Variants in RPA3 observed in about 807,000 individuals in gnomAD.
The protein encoded by RPA3 is replication protein A3.
Under a neutral mutation model 13.7 loss-of-function variants are expected in RPA3, and 24 were observed. That is an observed-to-expected ratio of 1.75 (90% confidence interval 1.27 to 2.46). The LOEUF (loss-of-function observed/expected upper bound fraction) is 2.46, where lower values mean the gene tolerates loss of function less well. Ranked by LOEUF, RPA3 falls within the 30% of genes most tolerant of loss-of-function variation. The pLI, the probability that RPA3 is intolerant of heterozygous loss-of-function variation, is 0.00. For missense variants in RPA3, 183 were observed against 151.0 expected (o/e 1.21, Z -1.11); for synonymous variants, 59 against 51.2 (o/e 1.15, Z -0.65).
At chr7:7,676,230 C>A in intron 4 of RPA3, 1 of 398,618 alleles carries the variant, frequency 2.5e-6, no homozygotes, top group South Asian at 1.3e-4. Context: ...TTCCCAGTAC[C>A]ACTTAGCATA....
At chr7:7,689,082 C>T (rs1206536171) in intron 2 of RPA3, among the ~76,000 whole-genome samples, 1 of 152,110 alleles carries the variant, frequency 6.6e-6, no homozygotes, top group African/African-American at 2.4e-5. Flanking sequence ...TTTAGGAGAG[C>T]CAACCTTATT....
intron 2 of RPA3, among the ~76,000 whole-genome samples, chr7:7,701,590 G>C (rs545731439): frequency 2.1e-4 from 32 of 152,244 alleles, no homozygotes; most frequent in South Asian, 1.0e-3. Flanking sequence ...CTCTGTGTCT[G>C]TGCTTTTCTG....
Position 7,640,505 on chromosome 7 carries a change from G to A in RPA3, c.-87C>T. 1.6e-6 allele frequency: 2 copies of A among 1,250,358 alleles called. No homozygotes were observed. Among genetic ancestry groups the A allele is most frequent in the Non-Finnish European group, 2.3e-6 (2 of 863,566 alleles). 77.5% of individuals were successfully genotyped at this position (1,250,358 alleles called of 1,614,324 possible). A position where few individuals can be genotyped will look rare whatever the true frequency, so the allele number is the denominator to read the frequency against. ...CGGGTGTCTATGGGGCAGATTTCTC[G>A]GCACCAATCAGCGAAGACTAGCGCT... On this transcript the variant is annotated 5_prime_UTR_variant, in exon 5 of 8. Coordinates refer to ENST00000223129, the MANE Select transcript of RPA3 (RefSeq NM_002947.5).
At chr7:7,685,437 G>A (rs1374041272) in intron 4 of RPA3, among the ~76,000 whole-genome samples, 1 of 151,720 alleles carries the variant, frequency 6.6e-6, no homozygotes, top group East Asian at 1.9e-4. Context: ...AGCCTTCCGA[G>A]TAGCTGGGAC....
intron 4 of RPA3, among the ~76,000 whole-genome samples, chr7:7,643,039 T>G (rs1000872958): frequency 2.6e-5 from 4 of 152,282 alleles, no homozygotes; most frequent in African/African-American, 9.6e-5. Context: ...CAGGTAGGCA[T>G]GAGTGGGACA....
intron 6 of RPA3, chr7:7,638,255 A>C (rs1784896988): frequency 3.5e-6 from 1 of 286,908 alleles, no homozygotes; most frequent in Non-Finnish European, 6.8e-6. Flanking sequence ...TTCTATAAGC[A>C]GTAATATCCT....
At chr7:7,688,434 G>A (rs1193679019) in intron 2 of RPA3, among the ~76,000 whole-genome samples, 4 of 152,126 alleles carry the variant, frequency 2.6e-5, no homozygotes, top group Non-Finnish European at 5.9e-5. Context: ...CTCATGGTTT[G>A]CCTTTTCACT....
At chr7:7,686,309 A>G (rs1489554790) in intron 3 of RPA3, among the ~76,000 whole-genome samples, 3 of 152,166 alleles carry the variant, frequency 2.0e-5, no homozygotes, top group Admixed American at 6.5e-5. Flanking sequence ...GTCCAGAAAC[A>G]TGGTTTGTGG....
rs1417425624 is a variant in RPA3, at chr7:7,718,523, G to T, written c.-1088C>A. ...TTCAAACAGATACTTACAAAATTAA[G>T]ACGATTGTAAATGTGTGTTGTCCTC... On this transcript the variant is annotated 5_prime_UTR_variant, in exon 1 of 8. Transcript: ENST00000223129. The T allele has an allele frequency of 6.6e-6, 1 of 152,200 alleles. No individual in the cohort carries two copies. The highest frequency in any genetic ancestry group is 1.5e-5 in the Non-Finnish European group (1 of 68,024). The allele number at this position is 152,200 out of a possible 1,614,324, so 9.4% of individuals were successfully genotyped here.
Position 7,639,071 on chromosome 7 carries a change from G to A in RPA3, c.173C>T (p.Pro58Leu). The A allele has an allele frequency of 6.2e-7, 1 of 1,608,942 alleles. No homozygotes were observed. Among genetic ancestry groups the A allele is most frequent in the Admixed American group, 1.7e-5 (1 of 59,550 alleles). Reference sequence around the variant, plus strand: ...AGACTTATTAACACTTAAACATACGGGTTCCATCAACTCGATGGTTCCATT... The same window carrying A: ...AGACTTATTAACACTTAAACATACGAGTTCCATCAACTCGATGGTTCCATT... Reference protein sequence around the residue: ...GKNGTIELMEPLDEEISGIVE... With the variant: ...GKNGTIELMELLDEEISGIVE... The change falls in exon 6 of 8, where the codon CCC becomes CTC. Residue 58 changes from proline to leucine, a missense_variant and splice_region_variant. Physicochemically the swap from Pro to Leu is moderately conservative, Grantham distance 98 (BLOSUM62 -3). Coordinates refer to ENST00000223129, the MANE Select transcript of RPA3 (RefSeq NM_002947.5).
At chr7:7,661,734 T>A (rs1287805038) in intron 4 of RPA3, among the ~76,000 whole-genome samples, 1 of 152,142 alleles carries the variant, frequency 6.6e-6, no homozygotes, top group Non-Finnish European at 1.5e-5. Flanking sequence ...CTCTATGAGG[T>A]GTCTGTCGGC....
At chr7:7,670,012 A>G (rs1031184933) in intron 4 of RPA3, among the ~76,000 whole-genome samples, 3 of 152,220 alleles carry the variant, frequency 2.0e-5, no homozygotes, top group East Asian at 1.9e-4. Flanking sequence ...AAGTCATGCT[A>G]TGTAACAGAC....
At chr7:7,702,339 T>G (rs1780480746) in intron 2 of RPA3, among the ~76,000 whole-genome samples, 1 of 152,188 alleles carries the variant, frequency 6.6e-6, no homozygotes, top group Non-Finnish European at 1.5e-5. Context: ...TAAGGAAAGA[T>G]GAGACTATAT....
At chr7:7,691,678 G>C (rs10240471) in intron 2 of RPA3, among the ~76,000 whole-genome samples, 51,358 of 152,052 alleles carry the variant, frequency 0.34, 8,774 homozygotes, top group Middle Eastern at 0.37. Context: ...CTTAGAAAGA[G>C]CTTTACATTT....
intron 2 of RPA3, among the ~76,000 whole-genome samples, chr7:7,703,719 C>A (rs970170946): frequency 6.6e-6 from 1 of 152,116 alleles, no homozygotes; most frequent in Admixed American, 6.6e-5. Context: ...ACTGGCAGAT[C>A]GCTTGAGCCC....
At chr7:7,690,886 T>C (rs1780157844) in intron 2 of RPA3, among the ~76,000 whole-genome samples, 1 of 152,220 alleles carries the variant, frequency 6.6e-6, no homozygotes, top group Non-Finnish European at 1.5e-5. Flanking sequence ...ATACCTGTTA[T>C]GAAAATATGT....
In RPA3 at chr7:7,706,629, C is replaced by G. The variant is rs550628956; in HGVS notation, c.-1028+8546G>C. 6.6e-5 allele frequency among the ~76,000 whole-genome samples: 10 copies of G among 152,152 alleles called. No individual in the cohort carries two copies. The South Asian group carries it at 2.1e-3, about 32-fold the overall frequency. On this transcript the variant is annotated intron_variant, in intron 2 of 7. Coordinates refer to ENST00000223129, the MANE Select transcript of RPA3 (RefSeq NM_002947.5). ...TACTAGTAGGTAATAATGAAGATAA[C>G]TAATAATAACTCATTTACATAAGAA...
chr7:7,685,034 G>A (rs901762551), intron 4 of RPA3, among the ~76,000 whole-genome samples: 3 of 152,074 alleles, frequency 2.0e-5, no homozygotes, highest in Admixed American at 6.5e-5. Context: ...AAATTATGAT[G>A]AGTGGCTTTC....
At chr7:7,716,669 G>T (rs531856673) in intron 1 of RPA3, among the ~76,000 whole-genome samples, 2 of 152,250 alleles carry the variant, frequency 1.3e-5, no homozygotes, top group Non-Finnish European at 2.9e-5. Context: ...CGGCGCGGCC[G>T]GCGCGGTGGC....
Sources: gnomAD v4.1 joint callset for allele counts (sites outside exome capture counted in the v4.1 genomes callset) on GRCh38, gnomAD v4.1.1 for gene constraint, MANE v1.5 for transcripts, NCBI Gene and HGNC (gene_info 2026-07-23, HGNC 2026-07-21) for gene names.